Variants in CLVS1 observed in about 807,000 individuals in gnomAD.
The protein encoded by CLVS1 is clavesin-1.
Under a neutral mutation model 33.1 loss-of-function variants are expected in CLVS1, and 10 were observed. The observed-to-expected ratio is 0.30, with a 90% confidence interval of 0.19 to 0.51. The LOEUF is 0.51. CLVS1 is among the 20% of genes least tolerant of loss of function. The pLI is 0.97. For synonymous variants in CLVS1, 163 were observed against 166.1 expected (o/e 0.98, Z 0.14); for missense variants, 343 against 433.4 (o/e 0.79, Z 1.85).
chr8:60,967,978 G>A, the CLVS1 span, among the ~76,000 whole-genome samples: 2 of 151,996 alleles, frequency 1.3e-5, no homozygotes, highest in South Asian at 2.1e-4. Flanking sequence ...TTGTTCTGTC[G>A]CCCAGGCTGG....
intron 2 of CLVS1, among the ~76,000 whole-genome samples, chr8:61,229,944 A>T (rs9298050): frequency 0.28 from 43,167 of 152,078 alleles, 7,296 homozygotes; most frequent in East Asian, 0.7. Flanking sequence ...CACATTTCTA[A>T]CAGCCTTCAC....
At chr8:61,313,163 G>A (rs771767791) in intron 2 of CLVS1, among the ~76,000 whole-genome samples, 3 of 152,104 alleles carry the variant, frequency 2.0e-5, no homozygotes, top group Non-Finnish European at 4.4e-5. Flanking sequence ...CAAACCCAGC[G>A]GGGAAGCTGG....
intron 3 of CLVS1, among the ~76,000 whole-genome samples, chr8:61,382,845 C>T (rs79843385): frequency 0.013 from 2,020 of 152,272 alleles, 47 homozygotes; most frequent in African/African-American, 0.046. Flanking sequence ...CTATGCCCCT[C>T]AAAGACCTCA....
intron 2 of CLVS1, among the ~76,000 whole-genome samples, chr8:61,350,482 G>A (rs1812409798): frequency 6.6e-6 from 1 of 152,066 alleles, no homozygotes; most frequent in Non-Finnish European, 1.5e-5. Context: ...ATTGCAAGAG[G>A]GAACCATTTC....
intron 2 of CLVS1, among the ~76,000 whole-genome samples, chr8:61,264,460 G>A (rs922309395): frequency 2.0e-5 from 3 of 152,174 alleles, no homozygotes; most frequent in Non-Finnish European, 2.9e-5. Context: ...TTACAGGTAA[G>A]TGTCTTTTAA....
intron 1 of CLVS1, among the ~76,000 whole-genome samples, chr8:61,091,763 T>C (rs1482887192): frequency 6.6e-6 from 1 of 152,174 alleles, no homozygotes; most frequent in Non-Finnish European, 1.5e-5. Context: ...TTAAGGCCTT[T>C]TTAGGAAAAA....
At chr8:61,057,567 T>G (rs1804500792) in intron 1 of CLVS1, among the ~76,000 whole-genome samples, 1 of 152,190 alleles carries the variant, frequency 6.6e-6, no homozygotes, top group South Asian at 2.1e-4. Context: ...TCCTTAAATC[T>G]TCTCATTCTT....
At chr8:61,011,395 C>A in the CLVS1 span, among the ~76,000 whole-genome samples, 1 of 152,110 alleles carries the variant, frequency 6.6e-6, no homozygotes, top group Non-Finnish European at 1.5e-5. Context: ...TTTGCCTGTG[C>A]TTTGACCCAT....
At chr8:61,356,626 T>C (rs1357932247) in intron 2 of CLVS1, among the ~76,000 whole-genome samples, 1 of 152,160 alleles carries the variant, frequency 6.6e-6, no homozygotes, top group Non-Finnish European at 1.5e-5. Context: ...TTCAGCTTTC[T>C]ACATATGGTT....
intron 1 of CLVS1, among the ~76,000 whole-genome samples, chr8:61,103,225 TG>T (rs1214413348): frequency 1.3e-5 from 2 of 152,192 alleles, no homozygotes; most frequent in African/African-American, 4.8e-5. Context: ...TGCTCTTCCT[TG>T]GCCACTGGTG....
chr8:61,353,594 A>T (rs923529687), intron 2 of CLVS1, among the ~76,000 whole-genome samples: 3 of 151,892 alleles, frequency 2.0e-5, no homozygotes, highest in Non-Finnish European at 2.9e-5. Flanking sequence ...TGCAGATAAG[A>T]CAGAGCTGAA....
At chr8:61,370,013 G>C (rs1213863183) in intron 2 of CLVS1, among the ~76,000 whole-genome samples, 1 of 152,140 alleles carries the variant, frequency 6.6e-6, no homozygotes, top group South Asian at 2.1e-4. Flanking sequence ...GATGAAGAGA[G>C]GAAGACATGT....
At chr8:61,213,794 A>G (rs1808024560) in intron 2 of CLVS1, among the ~76,000 whole-genome samples, 1 of 152,208 alleles carries the variant, frequency 6.6e-6, no homozygotes, top group Admixed American at 6.5e-5. Flanking sequence ...ACAGGATAAC[A>G]GCAATTGTTC....
At chr8:61,189,788 A>G (rs893261659) in intron 2 of CLVS1, among the ~76,000 whole-genome samples, 2 of 152,220 alleles carry the variant, frequency 1.3e-5, no homozygotes, top group Non-Finnish European at 2.9e-5. Flanking sequence ...TCCATTACAT[A>G]ATGGTAAAGG....
intron 2 of CLVS1, among the ~76,000 whole-genome samples, chr8:61,336,119 G>A (rs534571872): frequency 1.1e-4 from 16 of 152,212 alleles, no homozygotes; most frequent in Admixed American, 9.2e-4. Flanking sequence ...ACCTGGGTTG[G>A]GAAACTGCAG....
At chr8:61,314,663 C>T (rs547713792) in intron 2 of CLVS1, among the ~76,000 whole-genome samples, 1 of 152,282 alleles carries the variant, frequency 6.6e-6, no homozygotes, top group East Asian at 1.9e-4. Flanking sequence ...GGGCTGTGAA[C>T]CAACCATCCT....
chr8:61,482,306 G>A (rs907517041), intron 5 of CLVS1, among the ~76,000 whole-genome samples: 2 of 152,216 alleles, frequency 1.3e-5, no homozygotes, highest in Admixed American at 6.5e-5. Flanking sequence ...TCCTCCAAAG[G>A]AATGCAGCTC....
chr8:61,224,072 CT>C (rs2129310388), intron 2 of CLVS1, among the ~76,000 whole-genome samples: 1 of 152,210 alleles, frequency 6.6e-6, no homozygotes, highest in Admixed American at 6.5e-5. Flanking sequence ...TTCCCCTAAC[CT>C]TTTATCAAGG....
chr8:61,331,701 G>C (rs1416835936), intron 2 of CLVS1, among the ~76,000 whole-genome samples: 2 of 151,988 alleles, frequency 1.3e-5, no homozygotes, highest in Non-Finnish European at 2.9e-5. Flanking sequence ...ATCCTATCCT[G>C]CTTTTCCCCC....
Sources: allele counts gnomAD v4.1 joint callset (sites outside exome capture counted in the v4.1 genomes callset), GRCh38; gene constraint gnomAD v4.1.1; transcripts MANE v1.5; gene names NCBI Gene and HGNC (gene_info 2026-07-23, HGNC 2026-07-21).